The following RTN4RL1 variants were observed in gnomAD, a reference collection of about 807,000 sequenced individuals.
RTN4RL1 encodes the protein reticulon-4 receptor-like 1.
RTN4RL1 carries 7 observed loss-of-function variants against 25.6 expected under a neutral mutation model. The ratio of observed to expected loss-of-function variants is 0.27; its 90% CI spans 0.16 to 0.51. The LOEUF (loss-of-function observed/expected upper bound fraction) is 0.51, where lower values mean the gene tolerates loss of function less well. Among genes scored for constraint, RTN4RL1 ranks in the 20% least tolerant of loss-of-function variants. RTN4RL1 has a pLI of 0.97. For missense variants in RTN4RL1, 500 were observed against 615.6 expected, an observed-to-expected ratio of 0.81 and a Z score of 1.99; for synonymous variants, 297 against 288.2, an observed-to-expected ratio of 1.03 and a Z score of -0.31.
intron 1 of RTN4RL1, among the ~76,000 whole-genome samples, chr17:2,024,445 G>T (rs1003796147): frequency 3.3e-5 from 5 of 151,758 alleles, no homozygotes; most frequent in African/African-American, 4.8e-5. Context: ...CTGGCTGCAC[G>T]GGGGCGCCGT....
At chr17:1,967,629 C>T (rs1597500213) in intron 1 of RTN4RL1, among the ~76,000 whole-genome samples, 1 of 151,996 alleles carries the variant, frequency 6.6e-6, no homozygotes, top group East Asian at 1.9e-4. Flanking sequence ...AAGCCCAACA[C>T]TTTCCAGTCT....
intron 1 of RTN4RL1, among the ~76,000 whole-genome samples, chr17:1,955,923 T>G (rs906576184): frequency 6.6e-6 from 1 of 152,102 alleles, no homozygotes; most frequent in South Asian, 2.1e-4. Flanking sequence ...ATGAAAAGTA[T>G]AGAAGTAAAA....
At chr17:1,988,892 C>G (rs1247617125) in intron 1 of RTN4RL1, among the ~76,000 whole-genome samples, 2 of 150,368 alleles carry the variant, frequency 1.3e-5, no homozygotes, top group African/African-American at 5.0e-5. Context: ...TGAGCGGACA[C>G]TGGTGTGAGA....
chr17:1,946,437 T>C (rs1915542344), intron 1 of RTN4RL1, among the ~76,000 whole-genome samples: 1 of 152,228 alleles, frequency 6.6e-6, no homozygotes, highest in Admixed American at 6.5e-5. Flanking sequence ...GTCATGGGCA[T>C]GTGTACGTGT....
chr17:1,993,333 G>A (rs2066917646), intron 1 of RTN4RL1, among the ~76,000 whole-genome samples: 1 of 152,168 alleles, frequency 6.6e-6, no homozygotes, highest in Admixed American at 6.5e-5. Flanking sequence ...AAAAGAATTA[G>A]AAGAATTAGC....
At chr17:2,023,003 C>T (rs1307930335) in intron 1 of RTN4RL1, among the ~76,000 whole-genome samples, 1 of 152,240 alleles carries the variant, frequency 6.6e-6, no homozygotes, top group Non-Finnish European at 1.5e-5. Flanking sequence ...TTGGAGGCTG[C>T]TGGAGCCTCC....
intron 1 of RTN4RL1, among the ~76,000 whole-genome samples, chr17:2,007,752 T>C (rs899522773): frequency 7.9e-5 from 12 of 151,540 alleles, no homozygotes; most frequent in Admixed American, 3.3e-4. Context: ...GAAACCAGCC[T>C]GGCCAGGGTG....
chr17:1,949,572 ACC>A (rs1195375020), intron 1 of RTN4RL1, among the ~76,000 whole-genome samples: 1 of 152,142 alleles, frequency 6.6e-6, no homozygotes, highest in African/African-American at 2.4e-5. Context: ...GGCATTCAGA[ACC>A]GGCATCTAGA....
intron 1 of RTN4RL1, among the ~76,000 whole-genome samples, chr17:1,980,060 TC>T (rs1408132000): frequency 1.3e-5 from 2 of 151,918 alleles, no homozygotes; most frequent in African/African-American, 4.8e-5. Flanking sequence ...ATATATTTTT[TC>T]TTTTCTTTTC....
At chr17:1,974,823 C>CCT (rs2066835906) in intron 1 of RTN4RL1, among the ~76,000 whole-genome samples, 1 of 152,186 alleles carries the variant, frequency 6.6e-6, no homozygotes, top group Non-Finnish European at 1.5e-5. Flanking sequence ...ACCTGAAGGC[C>CCT]GAGGGCAGGA....
chr17:1,946,703 CG>C (rs1199467211), intron 1 of RTN4RL1, among the ~76,000 whole-genome samples: 1 of 130,396 alleles, frequency 7.7e-6, no homozygotes, highest in Non-Finnish European at 1.6e-5. Flanking sequence ...TGTGTGTGCA[CG>C]GGGTCTGTGT....
At chr17:1,944,610 C>A (rs528660683) in intron 1 of RTN4RL1, among the ~76,000 whole-genome samples, 151 of 152,260 alleles carry the variant, frequency 9.9e-4, no homozygotes, top group Non-Finnish European at 1.7e-3. Flanking sequence ...GTGCCCACCA[C>A]CACACCCGGC....
intron 1 of RTN4RL1, chr17:1,995,535 T>G (rs565765791): frequency 1.3e-5 from 2 of 152,226 alleles, no homozygotes; most frequent in African/African-American, 4.8e-5. Flanking sequence ...CTCCTCGTCC[T>G]TACAGGCTCA....
intron 1 of RTN4RL1, among the ~76,000 whole-genome samples, chr17:2,005,162 C>T (rs1008361390): frequency 2.0e-5 from 3 of 152,140 alleles, no homozygotes; most frequent in Non-Finnish European, 4.4e-5. Flanking sequence ...CACACCACCA[C>T]ATTTGGCTAA....
chr17:1,992,878 CAT>C (rs1033488791), intron 1 of RTN4RL1, among the ~76,000 whole-genome samples: 5 of 152,240 alleles, frequency 3.3e-5, no homozygotes, highest in Admixed American at 2.0e-4. Context: ...CACCCTGACA[CAT>C]GACTCTCTTA....
chr17:2,023,346 G>A (rs551315461), intron 1 of RTN4RL1, among the ~76,000 whole-genome samples: 1 of 152,176 alleles, frequency 6.6e-6, no homozygotes, highest in African/African-American at 2.4e-5. Context: ...CAGGGAAAAG[G>A]AGAACCTGGG....
At chr17:2,010,982 T>C (rs2067042661) in intron 1 of RTN4RL1, among the ~76,000 whole-genome samples, 1 of 152,156 alleles carries the variant, frequency 6.6e-6, no homozygotes, top group African/African-American at 2.4e-5. Flanking sequence ...CCGGGCGCGG[T>C]AGCTCACACC....
chr17:1,952,670 G>A (rs1168608277), intron 1 of RTN4RL1, among the ~76,000 whole-genome samples: 1 of 151,562 alleles, frequency 6.6e-6, no homozygotes, highest in Admixed American at 6.6e-5. Context: ...ATTCTGCACA[G>A]GTCCACCCAA....
chr17:2,010,482 A>G (rs191350255), intron 1 of RTN4RL1, among the ~76,000 whole-genome samples: 190 of 152,022 alleles, frequency 1.2e-3, no homozygotes, highest in African/African-American at 4.3e-3. Context: ...GTCTCAATAT[A>G]TATATAGTTG....
Sources: gnomAD v4.1 joint callset for allele counts (sites outside exome capture counted in the v4.1 genomes callset) on GRCh38, gnomAD v4.1.1 for gene constraint, MANE v1.5 for transcripts, NCBI Gene and HGNC (gene_info 2026-07-23, HGNC 2026-07-21) for gene names.